The following CYP19A1 variants were observed in gnomAD, a reference collection of about 807,000 sequenced individuals.
CYP19A1 encodes cytochrome P450 family 19 subfamily A member 1.
Under a neutral mutation model 44.4 loss-of-function variants are expected in CYP19A1, and 32 were observed. The observed-to-expected ratio is 0.72, with a 90% CI of 0.54 to 0.97. The LOEUF (loss-of-function observed/expected upper bound fraction) is 0.97, where lower values mean the gene tolerates loss of function less well. Among genes scored for constraint, CYP19A1 ranks in the 50% least tolerant of loss-of-function variants. The probability of loss-of-function intolerance (pLI) is 0.00; values close to 1 mark genes in which losing one functional copy is unlikely to be tolerated. For missense variants in CYP19A1, 598 were observed against 637.8 expected, an observed-to-expected ratio of 0.94 and a Z score of 0.67; for synonymous variants, 212 against 215.6, an observed-to-expected ratio of 0.98 and a Z score of 0.14.
intron 1 of CYP19A1, among the ~76,000 whole-genome samples, chr15:51,304,114 C>A (rs28723025): frequency 0.2 from 29,750 of 151,952 alleles, 5,747 homozygotes; most frequent in African/African-American, 0.49. Context: ...TCTCAGGGCA[C>A]TTTGGTTTAA....
chr15:51,257,743 A>G (rs2034567507), intron 1 of CYP19A1, among the ~76,000 whole-genome samples: 2 of 146,716 alleles, frequency 1.4e-5, no homozygotes, highest in South Asian at 4.3e-4. Flanking sequence ...AAACAGCAAC[A>G]ACACATGAAG....
chr15:51,296,474 G>A (rs1595767120), intron 1 of CYP19A1, among the ~76,000 whole-genome samples: 1 of 152,158 alleles, frequency 6.6e-6, no homozygotes. Flanking sequence ...ATGGGCCTTT[G>A]TCAGAAGGCA....
intron 3 of CYP19A1, among the ~76,000 whole-genome samples, chr15:51,228,896 CA>C (rs1474732592): frequency 1.3e-5 from 2 of 152,140 alleles, no homozygotes; most frequent in Non-Finnish European, 2.9e-5. Flanking sequence ...GTTTTCAGAA[CA>C]AATAACCCTC....
chr15:51,222,599 T>G, intron 4 of CYP19A1, 74 bp from the exon 5 acceptor site: 1 of 1,226,514 alleles, frequency 8.2e-7, no homozygotes, highest in South Asian at 1.3e-5. Flanking sequence ...TTTTGGCTTT[T>G]TATGTTGGAG....
At chr15:51,263,964 T>C (rs1008829200) in intron 1 of CYP19A1, among the ~76,000 whole-genome samples, 6 of 152,168 alleles carry the variant, frequency 3.9e-5, no homozygotes, top group Non-Finnish European at 8.8e-5. Flanking sequence ...GCAACAGGCA[T>C]GAGTAAATCT....
intron 1 of CYP19A1, among the ~76,000 whole-genome samples, chr15:51,295,375 G>A (rs1368651869): frequency 6.6e-6 from 1 of 152,018 alleles, no homozygotes. Flanking sequence ...TCTATTACCC[G>A]CTCCCCTCCA....
intron 1 of CYP19A1, among the ~76,000 whole-genome samples, chr15:51,290,035 A>C (rs185973065): frequency 2.0e-5 from 3 of 152,256 alleles, no homozygotes; most frequent in Admixed American, 1.3e-4. Flanking sequence ...TTGCAAAACC[A>C]TCTTTTGAGT....
chr15:51,328,547 GGTGTGTGTGTGTGTGT>G (rs56202041), intron 1 of CYP19A1, among the ~76,000 whole-genome samples: 5 of 147,318 alleles, frequency 3.4e-5, no homozygotes, highest in Admixed American at 6.8e-5. Flanking sequence ...ACAGGGCAGG[GGTGTGTGTGTGTGTGT>G]GTGTGTGTGT....
chr15:51,297,866 A>ACG (rs1362337490), intron 1 of CYP19A1, among the ~76,000 whole-genome samples: 1 of 149,922 alleles, frequency 6.7e-6, no homozygotes. Context: ...ACACACACAC[A>ACG]CACCCTAGGC....
chr15:51,267,798 A>G (rs1595739057), intron 1 of CYP19A1, among the ~76,000 whole-genome samples: 1 of 152,160 alleles, frequency 6.6e-6, no homozygotes, highest in African/African-American at 2.4e-5. Context: ...CCTATGGCGG[A>G]TTGCCATTGA....
intron 4 of CYP19A1, 109 bp from the exon 5 acceptor site, chr15:51,222,634 T>A: frequency 1.2e-6 from 1 of 848,952 alleles, no homozygotes; most frequent in Non-Finnish European, 2.0e-6. Flanking sequence ...ATTTTTAATT[T>A]AATAATTGGG....
chr15:51,298,251 T>C (rs2036040769), intron 1 of CYP19A1, among the ~76,000 whole-genome samples: 1 of 152,270 alleles, frequency 6.6e-6, no homozygotes, highest in Non-Finnish European at 1.5e-5. Flanking sequence ...ATCTGTCCAC[T>C]GACTATAAAC....
intron 1 of CYP19A1, among the ~76,000 whole-genome samples, chr15:51,311,748 T>C (rs2036315038): frequency 6.6e-6 from 1 of 152,176 alleles, no homozygotes; most frequent in Admixed American, 6.5e-5. Flanking sequence ...CTTTTGACCC[T>C]GGGGTAAGGG....
At chr15:51,304,015 C>G (rs2141004502) in intron 1 of CYP19A1, among the ~76,000 whole-genome samples, 1 of 152,120 alleles carries the variant, frequency 6.6e-6, no homozygotes, top group African/African-American at 2.4e-5. Flanking sequence ...CTTTGACGCT[C>G]AACAATTGCA....
chr15:51,276,231 A>G (rs2035305369), intron 1 of CYP19A1, among the ~76,000 whole-genome samples: 2 of 152,228 alleles, frequency 1.3e-5, no homozygotes, highest in South Asian at 2.1e-4. Flanking sequence ...TTCATAGTCT[A>G]TCTCACATCT....
chr15:51,234,817 G>T (rs1049752400), intron 3 of CYP19A1, among the ~76,000 whole-genome samples: 4 of 152,142 alleles, frequency 2.6e-5, no homozygotes, highest in African/African-American at 9.7e-5. Flanking sequence ...TCTAAAAGTG[G>T]GGGTGTGGCC....
intron 1 of CYP19A1, among the ~76,000 whole-genome samples, chr15:51,263,524 T>C (rs1489434216): frequency 6.6e-6 from 1 of 152,072 alleles, no homozygotes; most frequent in Admixed American, 6.5e-5. Context: ...TTTGTGAGGG[T>C]GGATTCTTGC....
At chr15:51,247,950 C>G (rs1017859234) in intron 1 of CYP19A1, among the ~76,000 whole-genome samples, 5 of 152,038 alleles carry the variant, frequency 3.3e-5, no homozygotes, top group African/African-American at 1.2e-4. Context: ...TATAATGGGC[C>G]TTAACCCTAC....
At chr15:51,286,528 C>T (rs1268284248) in intron 1 of CYP19A1, among the ~76,000 whole-genome samples, 1 of 152,154 alleles carries the variant, frequency 6.6e-6, no homozygotes, top group Non-Finnish European at 1.5e-5. Context: ...CCACTTAGCT[C>T]GTTGCATTTC....
Sources: allele counts gnomAD v4.1 joint callset (sites outside exome capture counted in the v4.1 genomes callset), GRCh38; gene constraint gnomAD v4.1.1; transcripts MANE v1.5; gene names NCBI Gene and HGNC (gene_info 2026-07-23, HGNC 2026-07-21).